MDM1: variants seen among roughly 807,000 people sequenced by gnomAD.
The protein encoded by MDM1 is Mdm1 nuclear protein.
MDM1 carries 61 observed loss-of-function variants against 89.1 expected under a neutral mutation model. That is an observed-to-expected ratio of 0.68 (90% CI 0.56 to 0.85). MDM1 has a LOEUF of 0.85. Ranked by LOEUF, MDM1 falls within the 40% of genes least tolerant of loss-of-function variation. The pLI, the probability that MDM1 is intolerant of heterozygous loss-of-function variation, is 0.00. For synonymous variants in MDM1, 290 were observed against 294.1 expected (o/e 0.99, Z 0.14); for missense variants, 820 against 846.5 (o/e 0.97, Z 0.39).
At chr12:68,311,426 T>A (rs551046614) in intron 12 of MDM1, among the ~76,000 whole-genome samples, 1 of 152,318 alleles carries the variant, frequency 6.6e-6, no homozygotes, top group Non-Finnish European at 1.5e-5. Context: ...TCAGTAAGGA[T>A]CTTTCTTCAC....
intron 12 of MDM1, among the ~76,000 whole-genome samples, chr12:68,309,142 G>A (rs371919824): frequency 1.3e-5 from 2 of 152,222 alleles, no homozygotes; most frequent in Admixed American, 6.5e-5. Flanking sequence ...TTGAGATAAC[G>A]AAAGAAATCC....
chr12:68,299,412 A>G (rs1871851709), intron 13 of MDM1, among the ~76,000 whole-genome samples: 1 of 152,168 alleles, frequency 6.6e-6, no homozygotes, highest in Admixed American at 6.5e-5. Context: ...GATATGAATG[A>G]AAAATTTCCC....
intron 5 of MDM1, 66 bp downstream of exon 5, chr12:68,323,007 A>G: frequency 1.3e-6 from 2 of 1,503,542 alleles, no homozygotes; most frequent in Admixed American, 4.6e-5. Flanking sequence ...GTAGTAAGTA[A>G]ACGAAAACGT....
chr12:68,321,619 T>C lies in MDM1; in HGVS notation c.811A>G (p.Ile271Val). The change falls in exon 6 of 15, where the codon ATA becomes GTA. Residue 271 changes from isoleucine (I) to valine (V), a missense_variant. Coordinates refer to ENST00000682720, the MANE Select transcript of MDM1 (RefSeq NM_001354969.2). ...GCTTCCAATTTTAAACGATCGTCTA[T>C]TTTATTACTCTGAAATGGAAATCAT... ...TVSPERKSNK[I>V]DDRLKLEAEM... 1.9e-6 allele frequency: 3 copies of C among 1,606,388 alleles called. No individual in the cohort carries two copies. Among genetic ancestry groups the C allele is most frequent in the Non-Finnish European group, 2.6e-6 (3 of 1,175,340 alleles).
Position 68,321,451 on chromosome 12 carries a change from T to G in MDM1, c.906-5A>C, listed in dbSNP as rs369949076. ...CTATATTCGGAATTCACCTTCCTAA[T>G]AGAAATGAAATGAAAGTAAATATTT... On this transcript the variant is annotated splice_polypyrimidine_tract_variant and splice_region_variant and intron_variant, in intron 6 of 14. Coordinates refer to ENST00000682720, the MANE Select transcript of MDM1 (RefSeq NM_001354969.2). 1 of 1,612,530 alleles carries G rather than the reference T, an allele frequency of 6.2e-7. No homozygotes were observed. Among genetic ancestry groups the G allele is most frequent in the African/African-American group, 1.3e-5 (1 of 74,832 alleles).
Position 68,332,266 on chromosome 12 carries a change from C to A in MDM1, c.-21G>T. 6.3e-7 allele frequency: 1 copy of A among 1,582,206 alleles called. No homozygotes were observed. The highest frequency in any genetic ancestry group is 1.8e-5 in the Admixed American group (1 of 56,280). ...GGCATGTCGCCCGGCGCCGGAGCCC[C>A]CGCTACTCCGACAGTTAACTGGAGA... On this transcript the variant is annotated 5_prime_UTR_variant, in exon 1 of 15. Transcript: ENST00000682720.
chr12:68,315,239 T>C lies in MDM1; in HGVS notation c.1238A>G (p.Gln413Arg). The C allele has an allele frequency of 6.2e-7, 1 of 1,614,176 alleles. No homozygotes were observed. Among genetic ancestry groups the C allele is most frequent in the Non-Finnish European group, 8.5e-7 (1 of 1,179,988 alleles). ...TTCTGGTTCTGTAGAAGGACATTTCTGCAAAGTCTTATGGCTTGTAGGATC... is the reference window on the plus strand; with the variant it reads ...TTCTGGTTCTGTAGAAGGACATTTCCGCAAAGTCTTATGGCTTGTAGGATC... The part of the protein sequence containing the change: ...AGDPTSHKTL[Q>R]KCPSTEPEEK... The change falls in exon 10 of 15, where the codon CAG (glutamine) becomes CGG (arginine). Residue 413 changes from glutamine (Q) to arginine (R), a missense_variant. By Grantham distance (43) the Gln-to-Arg change is conservative (BLOSUM62 1). Transcript: ENST00000682720.
chr12:68,321,756 GAAAATAAAAA>G, intron 5 of MDM1, 128 bp from the exon 6 acceptor site: 1 of 534,266 alleles, frequency 1.9e-6, no homozygotes, highest in Non-Finnish European at 3.1e-6. Flanking sequence ...AGATACTAAA[GAAAATAAAAA>G]CCATAAGAAA....
chr12:68,323,138 C>A lies in MDM1; in HGVS notation c.736G>T (p.Glu246Ter). 1.2e-6 allele frequency: 2 copies of A among 1,609,976 alleles called. No individual in the cohort carries two copies. The highest frequency in any genetic ancestry group is 1.3e-5 in the African/African-American group (1 of 74,764). Residue 246 changes from glutamate to a stop codon, truncating the protein, a stop_gained, in exon 5 of 15, where the codon GAA (glutamate) becomes TAA (stop). Transcript: ENST00000682720. LOFTEE classifies it high-confidence loss of function. ...RNFKGLSPVK[E>*]PKLRNDLREN... ...CTCAAATCATTTCTTAATTTTGGTT[C>A]TTTCACTGGAGATAAACCCTTGAAA...
chr12:68,305,200 T>G (rs1209963814), intron 12 of MDM1, among the ~76,000 whole-genome samples: 1 of 152,124 alleles, frequency 6.6e-6, no homozygotes, highest in Non-Finnish European at 1.5e-5. Flanking sequence ...GAAAAAGCAT[T>G]TGATAAAGTC....
intron 12 of MDM1, among the ~76,000 whole-genome samples, chr12:68,312,967 CCA>C (rs1355419869): frequency 1.3e-5 from 2 of 152,176 alleles, no homozygotes; most frequent in Non-Finnish European, 1.5e-5. Flanking sequence ...ACTTCCCTGG[CCA>C]CTTCCTGTTC....
intron 12 of MDM1, among the ~76,000 whole-genome samples, chr12:68,306,163 G>A (rs1472706450): frequency 6.6e-6 from 1 of 152,002 alleles, no homozygotes; most frequent in Non-Finnish European, 1.5e-5. Context: ...ATGAACAATG[G>A]AAAAAGGACA....
chr12:68,325,097 CACA>C, intron 4 of MDM1: 1 of 955,788 alleles, frequency 1.0e-6, no homozygotes, highest in Non-Finnish European at 1.2e-6. Context: ...GTCAACAAAA[CACA>C]ACATTTTAGA....
rs758687080 is a variant in MDM1 at position 68,326,911 on chromosome 12, C to T, written c.244G>A (p.Ala82Thr). 5 of 1,614,076 alleles carry T rather than the reference C, an allele frequency of 3.1e-6. No homozygotes were observed. The highest frequency in any genetic ancestry group is 2.2e-5 in the East Asian group (1 of 44,888). Residue 82 changes from alanine to threonine, a missense_variant, in exon 3 of 15, where the codon GCA becomes ACA. Ala to Thr is a moderately conservative substitution (Grantham distance 58, BLOSUM62 0). Transcript: ENST00000682720. ...TCCGGGGCTTCTGGTTCTGGTGATG[C>T]AACCACATTGCTCTCTGAGATAGCT... ...NGAISESNVV[A>T]SPEPEAPETP...
Position 68,314,941 on chromosome 12 carries a change from C to A in MDM1, c.1529+7G>T. 1 of 1,464,814 alleles carries A rather than the reference C, an allele frequency of 6.8e-7. No homozygotes were observed. The highest frequency in any genetic ancestry group is 9.6e-7 in the Non-Finnish European group (1 of 1,045,982). 90.7% of individuals were successfully genotyped at this position (1,464,814 alleles called of 1,614,324 possible). A position where few individuals can be genotyped will look rare whatever the true frequency, so the allele number is the denominator to read the frequency against. On this transcript the variant is annotated splice_region_variant and intron_variant, in intron 10 of 14. Transcript: ENST00000682720. The stretch of plus-strand genomic sequence containing the variant: ...CTTCTCTATACTGAGTAATTTAAAA[C>A]TCTCACCCTTCTTTCATCTTATCTG...
At chr12:68,330,655 G>A (rs1876659483) in intron 2 of MDM1, 1 of 154,102 alleles carries the variant, frequency 6.5e-6, no homozygotes, top group Admixed American at 6.5e-5. Context: ...GTGGAGGCCT[G>A]GGGAGTTTCT....
chr12:68,331,867 G>A, intron 1 of MDM1: 1 of 533,856 alleles, frequency 1.9e-6, no homozygotes, highest in Non-Finnish European at 3.5e-6. Flanking sequence ...AAGTTTTAAA[G>A]GTAATGGGGG....
At chr12:68,319,084 T>A (rs911334195) in intron 7 of MDM1, among the ~76,000 whole-genome samples, 1 of 152,198 alleles carries the variant, frequency 6.6e-6, no homozygotes, top group Non-Finnish European at 1.5e-5. Context: ...ATGAAAAGAT[T>A]ACCTAACAAT....
intron 2 of MDM1, among the ~76,000 whole-genome samples, chr12:68,328,946 T>C (rs1052749409): frequency 1.1e-4 from 16 of 152,310 alleles, no homozygotes; most frequent in African/African-American, 3.4e-4. Flanking sequence ...TCCTTCATTA[T>C]ATACCATGCT....
Sources: gnomAD v4.1 joint callset for allele counts (sites outside exome capture counted in the v4.1 genomes callset) on GRCh38, gnomAD v4.1.1 for gene constraint, MANE v1.5 for transcripts, NCBI Gene and HGNC (gene_info 2026-07-23, HGNC 2026-07-21) for gene names.